The following PES1 variants were observed in gnomAD, a reference collection of about 807,000 sequenced individuals.
The protein encoded by PES1 is pescadillo ribosomal biogenesis factor 1, also known as pescadillo homolog.
PES1 carries 31 observed loss-of-function variants against 77.1 expected under a neutral mutation model. That is an observed-to-expected ratio of 0.40 (90% CI 0.30 to 0.54). PES1 has a LOEUF of 0.54. Among genes scored for constraint, PES1 ranks in the 20% least tolerant of loss-of-function variants. The pLI is 0.45. For missense variants in PES1, 658 were observed against 771.7 expected (o/e 0.85, Z 1.75); for synonymous variants, 282 against 303.0 (o/e 0.93, Z 0.72).
rs1342308721 is a variant in PES1, at chr22:30,606,696, A to G, written c.-718+113T>C. On this transcript the variant is annotated intron_variant, in intron 1 of 16. Transcript: ENST00000402281. ...TTGCCCAACTCCCCCCCCCCACCGA[A>G]CTGCCCAACTCCCCCTCCCCAACTG... is the stretch of plus-strand genomic sequence containing the variant. The G allele has an allele frequency of 1.4e-4, 4 of 28,002 alleles. 1 individual carries two copies. The highest frequency in any genetic ancestry group is 6.7e-4 in the African/African-American group (4 of 5,992). The allele number at this position is 28,002 out of a possible 1,614,324, so 1.7% of individuals were successfully genotyped here.
upstream of PES1, among the ~76,000 whole-genome samples, chr22:30,592,916 C>T (rs1227126502): frequency 6.6e-6 from 1 of 152,066 alleles, no homozygotes; most frequent in Non-Finnish European, 1.5e-5. Flanking sequence ...CAAATAGTCA[C>T]ATCACCTTGA....
At position 30,585,092 on chromosome 22, in the gene PES1, C is replaced by A. The variant is rs187220139; in HGVS notation, c.369-375G>T. 4.1e-5 allele frequency: 16 copies of A among 389,426 alleles called. No homozygotes were observed. In the Admixed American group the frequency reaches 5.5e-4, roughly 13 times the overall value. The allele number at this position is 389,426 out of a possible 1,614,324, so 24.1% of individuals were successfully genotyped here. A position where few individuals can be genotyped will look rare whatever the true frequency, so the allele number is the denominator to read the frequency against. On this transcript the variant is annotated intron_variant, in intron 4 of 14. Coordinates refer to ENST00000354694, the MANE Select transcript of PES1 (RefSeq NM_014303.4). The stretch of plus-strand genomic sequence containing the variant: ...TGCACAGACACTCTACAGGGAGGTC[C>A]AAAATGGAAAATGGGAAACCGAAGC...
At chr22:30,592,204 C>T (rs1602022374), upstream of PES1, 2 of 1,050,234 alleles carry the variant, frequency 1.9e-6, no homozygotes, top group East Asian at 1.4e-4. Flanking sequence ...TTAGGGACAG[C>T]GCGGTGCCTT....
chr22:30,605,088 G>C (rs902890143), intron 2 of PES1, among the ~76,000 whole-genome samples: 4 of 151,926 alleles, frequency 2.6e-5, no homozygotes, highest in African/African-American at 9.7e-5. Context: ...CAGCCTCCTG[G>C]GCTCAAGTGA....
chr22:30,592,331 G>A (rs930354304), upstream of PES1: 2 of 990,104 alleles, frequency 2.0e-6, no homozygotes, highest in African/African-American at 3.5e-5. Context: ...GTTCCCGAGG[G>A]GCAGGGTGAG....
intron 2 of PES1, among the ~76,000 whole-genome samples, chr22:30,602,754 C>T (rs2087375784): frequency 6.6e-6 from 1 of 152,098 alleles, no homozygotes; most frequent in African/African-American, 2.4e-5. Flanking sequence ...TTTTGTGTTT[C>T]ATAGTTAGGT....
rs753277345 is a variant in PES1, at chr22:30,580,166, C to T, written c.1056G>A (p.Gly352=). ...ALAFIIRSFG[G]EVSWDKSLCI... The stretch of plus-strand genomic sequence containing the variant: ...ACAAAGATTTGTCCCAGGACACTTC[C>T]CCACCAAAACTCCTACAGGGACAGG... Residue 352 remains glycine, a synonymous_variant, in exon 11 of 15, where the codon GGG becomes GGA. Coordinates refer to ENST00000354694, the MANE Select transcript of PES1 (RefSeq NM_014303.4). The T allele has an allele frequency of 6.2e-7, 1 of 1,612,864 alleles. No individual in the cohort carries two copies. Among genetic ancestry groups the T allele is most frequent in the Non-Finnish European group, 8.5e-7 (1 of 1,179,338 alleles).
upstream of PES1, among the ~76,000 whole-genome samples, chr22:30,595,417 A>C (rs982831103): frequency 6.6e-6 from 1 of 151,144 alleles, no homozygotes; most frequent in African/African-American, 2.4e-5. Context: ...GCTTGCCTGT[A>C]GTCCCAGCTA....
At chr22:30,600,385 TA>T in intron 2 of PES1, among the ~76,000 whole-genome samples, 1 of 151,904 alleles carries the variant, frequency 6.6e-6, no homozygotes, top group Non-Finnish European at 1.5e-5. Context: ...TTATATAACA[TA>T]GATAAAGAAC....
chr22:30,589,304 A>G, intron 1 of PES1, 34 bp from the exon 2 acceptor site: 2 of 1,542,312 alleles, frequency 1.3e-6, no homozygotes, highest in Non-Finnish European at 8.9e-7. Flanking sequence ...TCCATTAGCA[A>G]TGATTGTAGT....
At chr22:30,595,351 A>T (rs532455730), upstream of PES1, among the ~76,000 whole-genome samples, 63 of 152,134 alleles carry the variant, frequency 4.1e-4, 1 homozygote, top group South Asian at 0.013. Context: ...TAGCCTGGCC[A>T]ATATTGTGAA....
chr22:30,604,735 C>G (rs1327923060), intron 2 of PES1, among the ~76,000 whole-genome samples: 1 of 152,132 alleles, frequency 6.6e-6, no homozygotes, highest in Non-Finnish European at 1.5e-5. Context: ...AGTGGGAGCA[C>G]AGGCAGACTT....
Position 30,581,515 on chromosome 22 carries a change from G to A in PES1, c.747+13C>T, listed in dbSNP as rs1449648623. The A allele has an allele frequency of 1.9e-6, 3 of 1,609,556 alleles. No homozygotes were observed. The highest frequency in any genetic ancestry group is 2.6e-6 in the Non-Finnish European group (3 of 1,176,256). On this transcript the variant is annotated intron_variant, in intron 7 of 14. Coordinates refer to ENST00000354694, the MANE Select transcript of PES1 (RefSeq NM_014303.4). ...CTGCACGGCGAGCAGAAGGCACTGG[G>A]CTGGGGTCCTACCTTCGGGGGATAG...
chr22:30,579,862 A>G lies in PES1; in HGVS notation c.1243T>C (p.Ser415Pro), dbSNP rs2146458937. 1 of 1,614,120 alleles carries G rather than the reference A, an allele frequency of 6.2e-7. No individual in the cohort carries two copies. Among genetic ancestry groups the G allele is most frequent in the Non-Finnish European group, 8.5e-7 (1 of 1,180,012 alleles). ...AGGTGTGGGGGCAGCTGCACCCCAG[A>G]GAAGTACTCTGCCACGGGGAGAAGG... ...RLLLPVAEYF[S>P]GVQLPPHLSP... is the part of the protein sequence containing the mutation. The change falls in exon 12 of 15, where the codon TCT becomes CCT. Residue 415 changes from serine to proline, a missense_variant. By Grantham distance (74) the Ser-to-Pro change is moderately conservative (BLOSUM62 -1). Coordinates refer to ENST00000354694, the MANE Select transcript of PES1 (RefSeq NM_014303.4).
At chr22:30,588,879 C>G (rs1030964321) in intron 2 of PES1, among the ~76,000 whole-genome samples, 1 of 152,082 alleles carries the variant, frequency 6.6e-6, no homozygotes. Context: ...CTTATTTTGA[C>G]TCTATGAGGA....
At chr22:30,593,696 A>T (rs1208795444), upstream of PES1, among the ~76,000 whole-genome samples, 1 of 152,164 alleles carries the variant, frequency 6.6e-6, no homozygotes, top group Admixed American at 6.5e-5. Flanking sequence ...TGCTCACATT[A>T]ATGTTGAGGG....
intron 2 of PES1, among the ~76,000 whole-genome samples, chr22:30,602,519 G>C (rs927782753): frequency 6.7e-6 from 1 of 149,790 alleles, no homozygotes; most frequent in Non-Finnish European, 1.5e-5. Flanking sequence ...ACCATGTCCG[G>C]CCTCTTTTTT....
chr22:30,594,123 G>C (rs139532013), upstream of PES1, among the ~76,000 whole-genome samples: 1 of 152,334 alleles, frequency 6.6e-6, no homozygotes, highest in Non-Finnish European at 1.5e-5. Flanking sequence ...CCTCGGACAA[G>C]CCACTTTACC....
intron 14 of PES1, among the ~76,000 whole-genome samples, chr22:30,577,649 C>G (rs772706460): frequency 1.3e-5 from 2 of 151,962 alleles, no homozygotes; most frequent in Non-Finnish European, 2.9e-5. Context: ...CACCACCATG[C>G]GTAGCCCTTT....
Sources: gnomAD v4.1 joint callset for allele counts (sites outside exome capture counted in the v4.1 genomes callset) on GRCh38, gnomAD v4.1.1 for gene constraint, MANE v1.5 for transcripts, NCBI Gene and HGNC (gene_info 2026-07-23, HGNC 2026-07-21) for gene names.